MAGI2: variants seen among roughly 807,000 people sequenced by gnomAD.
The protein encoded by MAGI2 is membrane-associated guanylate kinase, WW and PDZ domain-containing protein 2.
Under a neutral mutation model 133.3 loss-of-function variants are expected in MAGI2, and 35 were observed. The ratio of observed to expected loss-of-function variants is 0.26; its 90% confidence interval spans 0.20 to 0.35. MAGI2 has a LOEUF of 0.35. MAGI2 is among the 10% of genes least tolerant of loss of function. MAGI2 has a pLI of 1.00. For missense variants in MAGI2, 1,636 were observed against 1,863.4 expected, an observed-to-expected ratio of 0.88 and a Z score of 2.25; for synonymous variants, 729 against 710.6, an observed-to-expected ratio of 1.03 and a Z score of -0.41.
chr7:79,174,260 T>C (rs1825885408), intron 1 of MAGI2, among the ~76,000 whole-genome samples: 1 of 152,086 alleles, frequency 6.6e-6, no homozygotes, highest in South Asian at 2.1e-4. Flanking sequence ...ATTTATATCC[T>C]TGTCTTCTGC....
At chr7:78,791,747 A>C (rs1787165922) in intron 2 of MAGI2, among the ~76,000 whole-genome samples, 2 of 151,896 alleles carry the variant, frequency 1.3e-5, no homozygotes, top group African/African-American at 2.4e-5. Flanking sequence ...ACAGGGTTTC[A>C]CCATATTGGA....
intron 10 of MAGI2, among the ~76,000 whole-genome samples, chr7:78,245,329 T>G (rs1004030448): frequency 2.0e-5 from 3 of 152,204 alleles, no homozygotes; most frequent in Non-Finnish European, 4.4e-5. Flanking sequence ...GAAAAGGACA[T>G]GATTGGCTTT....
At chr7:78,633,502 A>G (rs1180587343) in intron 2 of MAGI2, among the ~76,000 whole-genome samples, 10 of 151,476 alleles carry the variant, frequency 6.6e-5, no homozygotes, top group African/African-American at 1.2e-4. Context: ...TCAGGAGATC[A>G]AGACTATCCT....
chr7:78,287,718 G>A (rs1290924062), intron 9 of MAGI2, among the ~76,000 whole-genome samples: 1 of 152,082 alleles, frequency 6.6e-6, no homozygotes, highest in African/African-American at 2.4e-5. Context: ...ATTTCTTCCT[G>A]TACTCATATT....
chr7:78,213,494 A>G (rs997233092), intron 10 of MAGI2, among the ~76,000 whole-genome samples: 6 of 152,176 alleles, frequency 3.9e-5, no homozygotes, highest in African/African-American at 1.4e-4. Context: ...CTCTTGGTTC[A>G]CACTTCTGTT....
intron 1 of MAGI2, among the ~76,000 whole-genome samples, chr7:79,213,683 T>C (rs1829711825): frequency 6.6e-6 from 1 of 152,092 alleles, no homozygotes; most frequent in Non-Finnish European, 1.5e-5. Context: ...ATTGATTTTC[T>C]GAAATAGAAC....
At chr7:78,872,809 A>G (rs1316751997) in intron 2 of MAGI2, among the ~76,000 whole-genome samples, 3 of 151,308 alleles carry the variant, frequency 2.0e-5, no homozygotes, top group East Asian at 1.9e-4. Context: ...AGAAGTATCT[A>G]TTTTATGTTA....
chr7:79,319,028 T>C (rs1838966040), intron 1 of MAGI2, among the ~76,000 whole-genome samples: 1 of 152,200 alleles, frequency 6.6e-6, no homozygotes, highest in Non-Finnish European at 1.5e-5. Flanking sequence ...AGATTTACTA[T>C]ATGAAAGGGT....
At chr7:78,881,492 G>A (rs1375850824) in intron 2 of MAGI2, among the ~76,000 whole-genome samples, 1 of 151,916 alleles carries the variant, frequency 6.6e-6, no homozygotes, top group East Asian at 1.9e-4. Flanking sequence ...ACGAGTTAAT[G>A]GGTGCAGCAC....
At chr7:78,708,873 A>T (rs1818903868) in intron 2 of MAGI2, among the ~76,000 whole-genome samples, 1 of 151,848 alleles carries the variant, frequency 6.6e-6, no homozygotes, top group Admixed American at 6.6e-5. Context: ...TTTTTAAAGT[A>T]CCTTATAAGA....
At chr7:78,625,021 C>T (rs1808191694) in intron 3 of MAGI2, among the ~76,000 whole-genome samples, 1 of 151,956 alleles carries the variant, frequency 6.6e-6, no homozygotes, top group Non-Finnish European at 1.5e-5. Context: ...CCTATTATTG[C>T]CCCTGAAGAC....
chr7:79,265,364 A>C (rs1259109801), intron 1 of MAGI2, among the ~76,000 whole-genome samples: 1 of 152,186 alleles, frequency 6.6e-6, no homozygotes, highest in Non-Finnish European at 1.5e-5. Context: ...ACCTCTTCCC[A>C]GTAAATACCT....
chr7:79,237,100 T>C (rs370423991), intron 1 of MAGI2, among the ~76,000 whole-genome samples: 2 of 152,158 alleles, frequency 1.3e-5, no homozygotes, highest in East Asian at 1.9e-4. Context: ...TTAAATAGTA[T>C]GAGAAAGTAG....
rs574849553 is a variant in MAGI2 at position 79,004,875 on chromosome 7, G to C, written c.418+2215C>G. On this transcript the variant is annotated intron_variant, in intron 2 of 21. Transcript: ENST00000354212. ...AGGCAGGTGGATCACCTGAGGTCGG[G>C]AGCTTGAGACCAGCCTGACCAACAT... Among the ~76,000 whole-genome samples the C allele has an allele frequency of 2.6e-5, 4 of 152,198 alleles. No individual in the cohort carries two copies. The South Asian group carries it at 8.3e-4, about 32-fold the overall frequency.
At chr7:78,171,929 G>C (rs903659946) in intron 14 of MAGI2, among the ~76,000 whole-genome samples, 5 of 151,348 alleles carry the variant, frequency 3.3e-5, no homozygotes, top group African/African-American at 7.3e-5. Flanking sequence ...CCATTGTTTT[G>C]GCCCTGAAGG....
At chr7:78,598,049 T>C (rs1804804248) in intron 3 of MAGI2, among the ~76,000 whole-genome samples, 1 of 152,178 alleles carries the variant, frequency 6.6e-6, no homozygotes, top group South Asian at 2.1e-4. Context: ...CTTAACTATC[T>C]TCCTGGGATG....
chr7:78,234,815 T>C (rs2150886297), intron 10 of MAGI2, among the ~76,000 whole-genome samples: 1 of 152,254 alleles, frequency 6.6e-6, no homozygotes, highest in South Asian at 2.1e-4. Context: ...GGAATTCTCT[T>C]GTACATAACT....
rs192487558 is a variant in MAGI2, at chr7:78,779,204, C to A, written c.419-151965G>T. ...TACAGGCGTAAGCCACCACACTGAGCCTTCAGCCTTTCAAAGTAGTCATTC... is the reference window on the plus strand; with the variant it reads ...TACAGGCGTAAGCCACCACACTGAGACTTCAGCCTTTCAAAGTAGTCATTC... On this transcript the variant is annotated intron_variant, in intron 2 of 21. Coordinates refer to ENST00000354212, the MANE Select transcript of MAGI2 (RefSeq NM_012301.4). Among the ~76,000 whole-genome samples the A allele has an allele frequency of 5.0e-3, 755 of 152,054 alleles. 12 individuals are homozygous for A. Among genetic ancestry groups the A allele is most frequent in the African/African-American group, 0.017 (723 of 41,490 alleles).
At chr7:79,151,989 T>C (rs115329423) in intron 1 of MAGI2, among the ~76,000 whole-genome samples, 5,410 of 152,132 alleles carry the variant, frequency 0.036, 130 homozygotes, top group African/African-American at 0.06. Context: ...TTCAGGATGA[T>C]GGGAGACAAT....
Sources: allele counts gnomAD v4.1 joint callset (sites outside exome capture counted in the v4.1 genomes callset), GRCh38; gene constraint gnomAD v4.1.1; transcripts MANE v1.5; gene names NCBI Gene and HGNC (gene_info 2026-07-23, HGNC 2026-07-21).